Variants in KCNMA1 observed in about 807,000 individuals in gnomAD.
KCNMA1 encodes the protein Calcium-activated potassium channel subunit alpha-1.
A neutral mutation model predicts 140.0 loss-of-function variants in KCNMA1; 29 were observed. The ratio of observed to expected loss-of-function variants is 0.21; its 90% confidence interval spans 0.15 to 0.28. The LOEUF is 0.28. Ranked by LOEUF, KCNMA1 falls within the 10% of genes least tolerant of loss-of-function variation. The pLI is 1.00. For missense variants in KCNMA1, 880 were observed against 1,602.2 expected (o/e 0.55, Z 7.70); for synonymous variants, 612 against 611.9 (o/e 1.00, Z 0.00).
chr10:77,298,475 C>A (rs998835978), intron 2 of KCNMA1, among the ~76,000 whole-genome samples: 1 of 152,186 alleles, frequency 6.6e-6, no homozygotes, highest in African/African-American at 2.4e-5. Context: ...CTCCTGACCT[C>A]AGGTGATCCA....
chr10:77,506,755 A>G (rs556642564), intron 1 of KCNMA1, among the ~76,000 whole-genome samples: 240 of 140,850 alleles, frequency 1.7e-3, no homozygotes, highest in Admixed American at 3.9e-3. Flanking sequence ...TTAGAGAGGG[A>G]GAGAGAGAGA....
intron 1 of KCNMA1, among the ~76,000 whole-genome samples, chr10:77,416,165 G>A (rs287184): frequency 0.49 from 74,738 of 151,792 alleles, 19,471 homozygotes; most frequent in Admixed American, 0.61. Context: ...GGTTCCCCTC[G>A]AAAAATGTGG....
chr10:77,429,354 G>C (rs1472417660), intron 1 of KCNMA1, among the ~76,000 whole-genome samples: 2 of 152,090 alleles, frequency 1.3e-5, no homozygotes, highest in South Asian at 4.2e-4. Flanking sequence ...AGGAGGTTTG[G>C]CAGCATCCCT....
intron 12 of KCNMA1, among the ~76,000 whole-genome samples, chr10:77,082,969 T>G (rs566984876): frequency 7.9e-5 from 12 of 152,266 alleles, no homozygotes; most frequent in Non-Finnish European, 1.6e-4. Context: ...TCCGGTCACT[T>G]GGGGCCACTG....
intron 27 of KCNMA1, among the ~76,000 whole-genome samples, chr10:76,888,767 G>C (rs545394410): frequency 9.1e-4 from 138 of 152,260 alleles, no homozygotes; most frequent in African/African-American, 3.2e-3. Context: ...TATGGCAGAA[G>C]AACCACTTAT....
intron 1 of KCNMA1, among the ~76,000 whole-genome samples, chr10:77,456,728 G>A (rs948978725): frequency 2.6e-5 from 4 of 152,158 alleles, no homozygotes; most frequent in African/African-American, 7.2e-5. Flanking sequence ...CTGCAGAAGT[G>A]CACTGTGGAA....
chr10:77,085,595 C>T (rs936403566), intron 11 of KCNMA1, among the ~76,000 whole-genome samples: 4 of 152,126 alleles, frequency 2.6e-5, no homozygotes, highest in South Asian at 2.1e-4. Flanking sequence ...GTATGTTATA[C>T]TTAATAGATC....
chr10:77,476,810 T>C (rs548097216), intron 1 of KCNMA1, among the ~76,000 whole-genome samples: 1 of 152,312 alleles, frequency 6.6e-6, no homozygotes, highest in East Asian at 1.9e-4. Flanking sequence ...GTTTCTTCCA[T>C]GAATGAATGA....
At chr10:76,981,156 T>C (rs976181592) in intron 19 of KCNMA1, among the ~76,000 whole-genome samples, 2 of 152,174 alleles carry the variant, frequency 1.3e-5, no homozygotes, top group Non-Finnish European at 2.9e-5. Context: ...GTAATTCACA[T>C]GGGTCCATAC....
At chr10:77,029,010 C>G (rs1362276808) in intron 15 of KCNMA1, among the ~76,000 whole-genome samples, 1 of 152,038 alleles carries the variant, frequency 6.6e-6, no homozygotes, top group Non-Finnish European at 1.5e-5. Flanking sequence ...TTCTAAATGG[C>G]TTTTCAAAGA....
intron 1 of KCNMA1, among the ~76,000 whole-genome samples, chr10:77,596,586 T>C (rs151135728): frequency 7.7e-4 from 118 of 152,302 alleles, no homozygotes; most frequent in Middle Eastern, 3.4e-3. Context: ...AGGATTTACA[T>C]GCGCACAAGA....
At chr10:77,453,444 C>T (rs2097700804) in intron 1 of KCNMA1, among the ~76,000 whole-genome samples, 1 of 152,188 alleles carries the variant, frequency 6.6e-6, no homozygotes, top group Non-Finnish European at 1.5e-5. Flanking sequence ...GACTAGATCT[C>T]TCCTCCCACC....
At chr10:77,257,414 A>G (rs2061005727) in intron 2 of KCNMA1, among the ~76,000 whole-genome samples, 1 of 152,186 alleles carries the variant, frequency 6.6e-6, no homozygotes, top group African/African-American at 2.4e-5. Context: ...AGCGCTACAC[A>G]TATCAACAGT....
chr10:77,493,863 G>A (rs1422069759), intron 1 of KCNMA1: 1 of 147,400 alleles, frequency 6.8e-6, no homozygotes, highest in African/African-American at 2.4e-5. Flanking sequence ...GAAGACTTCT[G>A]GGCCTCGCGT....
chr10:77,334,147 T>A (rs896895036), intron 2 of KCNMA1, among the ~76,000 whole-genome samples: 1 of 152,164 alleles, frequency 6.6e-6, no homozygotes, highest in South Asian at 2.1e-4. Context: ...TACTTGGAAA[T>A]GTGTTTATTT....
At position 77,113,032 on chromosome 10, in the gene KCNMA1, T is replaced by C. The variant is rs556467927; in HGVS notation, c.885-590A>G. Among the ~76,000 whole-genome samples the C allele has an allele frequency of 2.6e-5, 4 of 152,312 alleles. No individual in the cohort carries two copies. In the South Asian group the frequency reaches 8.3e-4, roughly 32 times the overall value. On this transcript the variant is annotated intron_variant, in intron 6 of 27. Transcript: ENST00000286628. Reference sequence around the variant, plus strand: ...TGCTATTTAATATGCAGACCTTATTTAAATATCTCCAGTTGCCCCAAAATT... The same window carrying C: ...TGCTATTTAATATGCAGACCTTATTCAAATATCTCCAGTTGCCCCAAAATT...
At chr10:76,966,336 C>T (rs1469681613) in intron 20 of KCNMA1, among the ~76,000 whole-genome samples, 3 of 152,194 alleles carry the variant, frequency 2.0e-5, no homozygotes, top group South Asian at 2.1e-4. Context: ...AGCATTTGTA[C>T]GTGCAACTAT....
At chr10:77,436,895 C>T (rs1207799452) in intron 1 of KCNMA1, among the ~76,000 whole-genome samples, 4 of 151,382 alleles carry the variant, frequency 2.6e-5, no homozygotes, top group East Asian at 1.9e-4. Flanking sequence ...TCTGAATATG[C>T]CAGGCTAGCA....
At chr10:77,633,298 G>C (rs1038741539) in intron 1 of KCNMA1, among the ~76,000 whole-genome samples, 1 of 151,990 alleles carries the variant, frequency 6.6e-6, no homozygotes, top group Non-Finnish European at 1.5e-5. Flanking sequence ...CTGGGTGACA[G>C]AGCGAGACTC....
Sources: allele counts gnomAD v4.1 joint callset (sites outside exome capture counted in the v4.1 genomes callset), GRCh38; gene constraint gnomAD v4.1.1; transcripts MANE v1.5; gene names NCBI Gene and HGNC (gene_info 2026-07-23, HGNC 2026-07-21).